INTS3: variants seen among roughly 807,000 people sequenced by gnomAD.
INTS3 encodes the protein integrator complex subunit 3, also known as SOSS complex subunit A.
INTS3 carries 34 observed loss-of-function variants against 146.3 expected under a neutral mutation model. The observed-to-expected ratio is 0.23, with a 90% confidence interval of 0.18 to 0.31. The LOEUF (loss-of-function observed/expected upper bound fraction) is 0.31. INTS3 is among the 10% of genes least tolerant of loss of function. The probability of loss-of-function intolerance (pLI) is 1.00; values close to 1 mark genes in which losing one functional copy is unlikely to be tolerated. For synonymous variants in INTS3, 475 were observed against 494.9 expected, an observed-to-expected ratio of 0.96 and a Z score of 0.53; for missense variants, 757 against 1,304.2, an observed-to-expected ratio of 0.58 and a Z score of 6.46.
intron 6 of INTS3, 52 bp from the exon 7 acceptor site, chr1:153,751,043 G>T: frequency 6.4e-7 from 1 of 1,565,208 alleles, no homozygotes; most frequent in East Asian, 2.3e-5. Context: ...TGAATTGGGA[G>T]GGTGAATAGT....
intron 17 of INTS3, 61 bp downstream of exon 17, chr1:153,763,947 C>G: frequency 6.6e-7 from 1 of 1,509,928 alleles, no homozygotes; most frequent in Non-Finnish European, 9.2e-7. Context: ...TTACACGTCT[C>G]CCAGGGAAGA....
At chr1:153,770,380 G>C (rs1366599947) in intron 24 of INTS3, 69 bp downstream of exon 24, 4 of 992,512 alleles carry the variant, frequency 4.0e-6, no homozygotes. Flanking sequence ...CAAGGCTGAG[G>C]CCTCTAGGCT....
At chr1:153,750,094 G>T (rs1472631194) in intron 6 of INTS3, among the ~76,000 whole-genome samples, 2 of 152,256 alleles carry the variant, frequency 1.3e-5, no homozygotes, top group Non-Finnish European at 2.9e-5. Context: ...ACCTTGGCTA[G>T]TGTATCCATT....
Position 153,757,079 on chromosome 1 carries a change from T to C in INTS3, c.958-493T>C, listed in dbSNP as rs1570865771. Reference sequence around the variant, plus strand: ...TTAGGGTCTGTTTGAGGAAAAACTTTCCACAAGAAGGTTTGGAGAGTCTAG... The same window carrying C: ...TTAGGGTCTGTTTGAGGAAAAACTTCCCACAAGAAGGTTTGGAGAGTCTAG... On this transcript the variant is annotated intron_variant, in intron 9 of 29. Transcript: ENST00000318967. The surrounding 1 kb of genome is among the most constrained non-coding windows in gnomAD (Gnocchi z 4.0). Among the ~76,000 whole-genome samples the C allele has an allele frequency of 6.6e-6, 1 of 152,210 alleles. No homozygotes were observed. The highest frequency in any genetic ancestry group is 1.5e-5 in the Non-Finnish European group (1 of 68,034).
chr1:153,732,936 T>A (rs570704559), intron 1 of INTS3, among the ~76,000 whole-genome samples: 81 of 151,546 alleles, frequency 5.3e-4, no homozygotes, highest in Non-Finnish European at 9.9e-4. Flanking sequence ...CCTGAGTAGC[T>A]AGGAGTAAAG....
chr1:153,745,655 GAAAAA>G, intron 3 of INTS3, among the ~76,000 whole-genome samples: 1 of 114,492 alleles, frequency 8.7e-6, no homozygotes, highest in South Asian at 3.0e-4. Flanking sequence ...GAGACAGAGT[GAAAAA>G]AAAAAAAAAA....
At chr1:153,746,399 C>T (rs1246610355) in intron 3 of INTS3, among the ~76,000 whole-genome samples, 1 of 152,118 alleles carries the variant, frequency 6.6e-6, no homozygotes, top group Non-Finnish European at 1.5e-5. Flanking sequence ...TTTTCTCTCC[C>T]CTGCCCCCGA....
At chr1:153,762,979 G>A (rs1413787813) in intron 15 of INTS3, 132 bp downstream of exon 15, 2 of 1,240,804 alleles carry the variant, frequency 1.6e-6, no homozygotes, top group African/African-American at 3.0e-5. Context: ...AGGGTATCTG[G>A]ATGAGACTCC....
Position 153,772,467 on chromosome 1 carries a change from T to A in INTS3, c.2821+27T>A, listed in dbSNP as rs780809987. On this transcript the variant is annotated intron_variant, in intron 27 of 29. Coordinates refer to ENST00000318967, the MANE Select transcript of INTS3 (RefSeq NM_023015.5). This position sits in a 1 kb window ranked among gnomAD's most constrained non-coding sequence, Gnocchi z 4.6. ...TATGCCTTCCACCCTCGGCGTCCAGTGTAGACGGTGCTGCCCTGGCCCAGA... is the reference window on the plus strand; with the variant it reads ...TATGCCTTCCACCCTCGGCGTCCAGAGTAGACGGTGCTGCCCTGGCCCAGA... 6.2e-7 allele frequency: 1 copy of A among 1,614,070 alleles called. No individual in the cohort carries two copies. Among genetic ancestry groups the A allele is most frequent in the Non-Finnish European group, 8.5e-7 (1 of 1,180,006 alleles).
At chr1:153,736,856 C>T (rs372843121) in intron 1 of INTS3, among the ~76,000 whole-genome samples, 101 of 151,136 alleles carry the variant, frequency 6.7e-4, no homozygotes, top group African/African-American at 2.3e-3. Flanking sequence ...CTTCGCCGAC[C>T]GGGTTCACAC....
intron 16 of INTS3, 73 bp from the exon 17 acceptor site, chr1:153,763,759 C>CTGGG: frequency 7.8e-7 from 1 of 1,283,152 alleles, no homozygotes; most frequent in Non-Finnish European, 1.1e-6. Context: ...TGCTTGTGCA[C>CTGGG]TGTTCTGGGT....
chr1:153,772,563 A>G lies in INTS3; in HGVS notation c.2822-76A>G. 6.2e-7 allele frequency: 1 copy of G among 1,611,388 alleles called. No homozygotes were observed. The highest frequency in any genetic ancestry group is 8.5e-7 in the Non-Finnish European group (1 of 1,178,646). ...CACAACCCACACTCGGGATAAAACAACCTGTGCGTGCTGTTTAATAAGCTC... is the reference window on the plus strand; with the variant it reads ...CACAACCCACACTCGGGATAAAACAGCCTGTGCGTGCTGTTTAATAAGCTC... On this transcript the variant is annotated intron_variant, in intron 27 of 29. Transcript: ENST00000318967. The surrounding 1 kb of genome is among the most constrained non-coding windows in gnomAD (Gnocchi z 4.6).
In INTS3 at chr1:153,740,673, T is replaced by C; in HGVS notation, c.173T>C (p.Ile58Thr). Residue 58 changes from isoleucine (I) to threonine (T), a missense_variant, in exon 2 of 30, where the codon ATT becomes ACT. Physicochemically the swap from Ile to Thr is moderately conservative, Grantham distance 89. Around this residue, in one of 8 missense-constraint regions of INTS3, gnomAD observed 160 missense variants for 193.7 expected, o/e 0.83. Transcript: ENST00000318967. ...LEERLERCMS[I>T]VTSMTAGVSE... ...CAGAGATTGGAAAGGTGTATGAGCA[T>C]TGTGACATCGATGACTGCTGGTGTC... 10 of 1,614,102 alleles carry C rather than the reference T, an allele frequency of 6.2e-6. No homozygotes were observed. Among genetic ancestry groups the C allele is most frequent in the Non-Finnish European group, 1.7e-6 (2 of 1,179,946 alleles).
chr1:153,751,317 C>T (rs1193090700), intron 7 of INTS3, 78 bp downstream of exon 7: 6 of 1,392,522 alleles, frequency 4.3e-6, no homozygotes, highest in East Asian at 2.3e-5. Flanking sequence ...GCAGTGGAGT[C>T]AGAAATACCT....
At chr1:153,742,048 A>T (rs1570843049) in intron 3 of INTS3, among the ~76,000 whole-genome samples, 1 of 152,150 alleles carries the variant, frequency 6.6e-6, no homozygotes, top group East Asian at 1.9e-4. Context: ...GTTCAAGGGG[A>T]ACCAAAGGAA....
rs375392383 is a variant in INTS3 at position 153,773,487 on chromosome 1, C to A, written c.*217C>A. The A allele has an allele frequency of 3.3e-6, 2 of 608,356 alleles. No homozygotes were observed. The highest frequency in any genetic ancestry group is 3.7e-5 in the African/African-American group (2 of 53,776). 37.7% of individuals were successfully genotyped at this position (608,356 alleles called of 1,614,324 possible). On this transcript the variant is annotated 3_prime_UTR_variant, in exon 30 of 30. Transcript: ENST00000318967. ...CTCCTGGGGCCTCCAGCCCCTCACA[C>A]TGCTGTTCCCAGTGATATTTGGGAT...
intron 1 of INTS3, among the ~76,000 whole-genome samples, chr1:153,732,299 T>C (rs187935813): frequency 5.6e-4 from 85 of 152,330 alleles, no homozygotes; most frequent in African/African-American, 2.0e-3. Flanking sequence ...CATATACATA[T>C]GTGAGGAGTC....
At position 153,763,109 on chromosome 1, in the gene INTS3, A is replaced by C; in HGVS notation, c.1637-124A>C. ...AGTCAGGGAGATGCTTCAGGCACTC[A>C]CACAGCATTGAGGAAACAGGTGCAC... is the stretch of plus-strand genomic sequence containing the variant. On this transcript the variant is annotated intron_variant, in intron 15 of 29. Coordinates refer to ENST00000318967, the MANE Select transcript of INTS3 (RefSeq NM_023015.5). The C allele has an allele frequency of 4.7e-6, 6 of 1,281,768 alleles. No homozygotes were observed. In the South Asian group the frequency reaches 7.8e-5, roughly 17 times the overall value. 79.4% of individuals were successfully genotyped at this position (1,281,768 alleles called of 1,614,324 possible). A position where few individuals can be genotyped will look rare whatever the true frequency, so the allele number is the denominator to read the frequency against.
Position 153,732,718 on chromosome 1 carries a change from G to A in INTS3, c.150+3934G>A, listed in dbSNP as rs917194651. Among the ~76,000 whole-genome samples the A allele has an allele frequency of 1.4e-4, 22 of 152,086 alleles. 1 individual carries two copies. Among genetic ancestry groups the A allele is most frequent in the Admixed American group, 1.4e-3 (21 of 15,274 alleles). ...CTGCCTCGGCCTCCGAAAGTGCTGG[G>A]ATTACAGGCGTGAGTCACTGTGCCT... On this transcript the variant is annotated intron_variant, in intron 1 of 29. Coordinates refer to ENST00000318967, the MANE Select transcript of INTS3 (RefSeq NM_023015.5).
Sources: allele counts gnomAD v4.1 joint callset (sites outside exome capture counted in the v4.1 genomes callset), GRCh38; gene constraint gnomAD v4.1.1; regional missense constraint gnomAD v4.1.1; non-coding constraint Gnocchi (gnomAD v3.1); transcripts MANE v1.5; gene names NCBI Gene and HGNC (gene_info 2026-07-23, HGNC 2026-07-21).